KIRREL3: variants seen among roughly 807,000 people sequenced by gnomAD.
The protein encoded by KIRREL3 is kin of IRRE-like protein 3.
A neutral mutation model predicts 89.7 loss-of-function variants in KIRREL3; 36 were observed. The observed-to-expected ratio is 0.40, with a 90% confidence interval of 0.31 to 0.53. KIRREL3 has a LOEUF of 0.53. Ranked by LOEUF, KIRREL3 falls within the 20% of genes least tolerant of loss-of-function variation. The pLI is 0.49. For missense variants in KIRREL3, 864 were observed against 1,056.6 expected, an observed-to-expected ratio of 0.82 and a Z score of 2.53; for synonymous variants, 445 against 441.4, an observed-to-expected ratio of 1.01 and a Z score of -0.10.
intron 1 of KIRREL3, among the ~76,000 whole-genome samples, chr11:126,930,412 C>T (rs1947901779): frequency 6.6e-6 from 1 of 152,184 alleles, no homozygotes; most frequent in African/African-American, 2.4e-5. Context: ...AATTGGGCTG[C>T]TCCAGGCTGT....
chr11:126,425,604 A>G (rs1954910959), intron 16 of KIRREL3, 34 bp downstream of exon 16: 1 of 1,513,862 alleles, frequency 6.6e-7, no homozygotes, highest in African/African-American at 1.4e-5. Flanking sequence ...ACCAGATTCC[A>G]TGGCTGTGTC....
intron 1 of KIRREL3, among the ~76,000 whole-genome samples, chr11:126,921,538 T>A (rs1303113643): frequency 7.2e-6 from 1 of 138,618 alleles, no homozygotes; most frequent in Admixed American, 7.5e-5. Flanking sequence ...TCTGTCTTTC[T>A]TTTTCTTTCT....
chr11:126,789,581 A>T (rs1399431563), intron 1 of KIRREL3, among the ~76,000 whole-genome samples: 1 of 152,154 alleles, frequency 6.6e-6, no homozygotes, highest in Non-Finnish European at 1.5e-5. Context: ...GTTCCAAAAA[A>T]TTGTTTTGCC....
chr11:126,686,140 C>A lies in KIRREL3; in HGVS notation c.56-123228G>T, dbSNP rs1216768958. On this transcript the variant is annotated intron_variant, in intron 1 of 16. Coordinates refer to ENST00000525144, the MANE Select transcript of KIRREL3 (RefSeq NM_032531.4). The surrounding 1 kb of genome is among the most constrained non-coding windows in gnomAD (Gnocchi z 4.7). Reference sequence around the variant, plus strand: ...AGCTCCTTCCCTGTGGTCCGAGTTACTGGCAGGGTCTCTGCGTTCTGCCTT... The same window carrying A: ...AGCTCCTTCCCTGTGGTCCGAGTTAATGGCAGGGTCTCTGCGTTCTGCCTT... Among the ~76,000 whole-genome samples the A allele has an allele frequency of 1.3e-5, 2 of 152,190 alleles. No individual in the cohort carries two copies. Among genetic ancestry groups the A allele is most frequent in the Non-Finnish European group, 2.9e-5 (2 of 68,042 alleles).
intron 1 of KIRREL3, among the ~76,000 whole-genome samples, chr11:126,858,488 C>T (rs560206320): frequency 4.6e-5 from 7 of 152,250 alleles, no homozygotes; most frequent in Admixed American, 1.3e-4. Context: ...GTTCTCACCT[C>T]CTAAGAAGTT....
At position 126,669,425 on chromosome 11, in the gene KIRREL3, A is replaced by G. The variant is rs1945835047; in HGVS notation, c.56-106513T>C. On this transcript the variant is annotated intron_variant, in intron 1 of 16. Coordinates refer to ENST00000525144, the MANE Select transcript of KIRREL3 (RefSeq NM_032531.4). This position sits in a 1 kb window ranked among gnomAD's most constrained non-coding sequence, Gnocchi z 5.0. ...ATTTAATCCCATGTATTTTTAACCC[A>G]CTAACATAATCCCCAATGTTTCCAT... Among the ~76,000 whole-genome samples, 1 of 152,182 alleles carries G rather than the reference A, an allele frequency of 6.6e-6. No individual in the cohort carries two copies. Among genetic ancestry groups the G allele is most frequent in the Non-Finnish European group, 1.5e-5 (1 of 68,030 alleles).
rs544143797 is a variant in KIRREL3 at position 126,822,315 on chromosome 11, A to G, written c.55+178140T>C. On this transcript the variant is annotated intron_variant, in intron 1 of 16. Transcript: ENST00000525144. ...AAAGCACATAGACTGGCCATGTAGT[A>G]TGTTCTCAAACATAACTATGCTTAT... Among the ~76,000 whole-genome samples the G allele has an allele frequency of 3.9e-5, 6 of 152,332 alleles. No individual in the cohort carries two copies. The South Asian group carries it at 6.2e-4, about 16-fold the overall frequency.
rs377540869 is a variant in KIRREL3, at chr11:126,682,170, G to C, written c.56-119258C>G. On this transcript the variant is annotated intron_variant, in intron 1 of 16. Coordinates refer to ENST00000525144, the MANE Select transcript of KIRREL3 (RefSeq NM_032531.4). The surrounding 1 kb of genome is among the most constrained non-coding windows in gnomAD (Gnocchi z 4.8). ...GTGGGCATCACAGAGCTGCTGTGGA[G>C]TGTGTGCACAGATTCTGTGTACTAG... is the stretch of plus-strand genomic sequence containing the variant. The C allele has an allele frequency of 3.3e-6, 1 of 303,742 alleles. No individual in the cohort carries two copies. Among genetic ancestry groups the C allele is most frequent in the African/African-American group, 2.2e-5 (1 of 46,068 alleles). 18.8% of individuals were successfully genotyped at this position (303,742 alleles called of 1,614,324 possible). A position where few individuals can be genotyped will look rare whatever the true frequency, so the allele number is the denominator to read the frequency against.
rs995784174 is a variant in KIRREL3 at position 126,471,396 on chromosome 11, T to C, written c.591+1913A>G. Among the ~76,000 whole-genome samples, 1 of 125,492 alleles carries C rather than the reference T, an allele frequency of 8.0e-6. No homozygotes were observed. The highest frequency in any genetic ancestry group is 1.8e-5 in the Non-Finnish European group (1 of 56,846). The allele number at this position is 125,492 out of a possible 152,430, so 82.3% of individuals were successfully genotyped here. A position where few individuals can be genotyped will look rare whatever the true frequency, so the allele number is the denominator to read the frequency against. ...AAAATAAATAAATAAATAAATAAAA[T>C]AAATAAAAAATAAAAAAAGAAAGAA... On this transcript the variant is annotated intron_variant, in intron 5 of 16. Transcript: ENST00000525144. This position sits in a 1 kb window ranked among gnomAD's most constrained non-coding sequence, Gnocchi z 5.4.
Position 126,623,561 on chromosome 11 carries a change from G to A in KIRREL3, c.56-60649C>T, listed in dbSNP as rs7131189. Among the ~76,000 whole-genome samples the A allele has an allele frequency of 0.024, 3,585 of 152,190 alleles. 40 individuals are homozygous for A. The highest frequency in any genetic ancestry group is 0.088 in the Middle Eastern group (26 of 294). On this transcript the variant is annotated intron_variant, in intron 1 of 16. Coordinates refer to ENST00000525144, the MANE Select transcript of KIRREL3 (RefSeq NM_032531.4). This position sits in a 1 kb window ranked among gnomAD's most constrained non-coding sequence, Gnocchi z 4.1. ...GTGTGAATCTTGCATGATGGAAGAG[G>A]AAACCAGGTAAGAGTGAGCAAGCAG...
At position 126,574,450 on chromosome 11, in the gene KIRREL3, TC is replaced by T. The variant is rs1941145715; in HGVS notation, c.56-11539del. Among the ~76,000 whole-genome samples the T allele has an allele frequency of 1.3e-5, 2 of 152,082 alleles. No homozygotes were observed. The highest frequency in any genetic ancestry group is 4.8e-5 in the African/African-American group (2 of 41,388). ...GAGTATGGAATCAACCTCAAACAGG[TC>T]CAGGGGAGCGATTCTGAGCCACCAG... On this transcript the variant is annotated intron_variant, in intron 1 of 16. Transcript: ENST00000525144. The surrounding 1 kb of genome is among the most constrained non-coding windows in gnomAD (Gnocchi z 5.3).
intron 1 of KIRREL3, among the ~76,000 whole-genome samples, chr11:126,848,430 G>GT (rs1454898645): frequency 6.6e-6 from 1 of 152,104 alleles, no homozygotes; most frequent in African/African-American, 2.4e-5. Flanking sequence ...TCAGTTGTTT[G>GT]TTTTTTTCCT....
At chr11:126,540,491 A>T (rs1938275926) in intron 2 of KIRREL3, among the ~76,000 whole-genome samples, 1 of 152,124 alleles carries the variant, frequency 6.6e-6, no homozygotes, top group South Asian at 2.1e-4. Context: ...GTCTTTAACG[A>T]AGAGCAATCG....
chr11:126,597,810 A>G (rs1942471722), intron 1 of KIRREL3, among the ~76,000 whole-genome samples: 1 of 152,222 alleles, frequency 6.6e-6, no homozygotes, highest in African/African-American at 2.4e-5. Flanking sequence ...AATGTATGCA[A>G]TTGGTCACCA....
At chr11:126,899,022 T>G (rs1417918519) in intron 1 of KIRREL3, among the ~76,000 whole-genome samples, 1 of 151,236 alleles carries the variant, frequency 6.6e-6, no homozygotes, top group Non-Finnish European at 1.5e-5. Context: ...GGGGGGTCTC[T>G]CGCATTCCTG....
chr11:126,844,516 G>A lies in KIRREL3; in HGVS notation c.55+155939C>T, dbSNP rs116903294. 0.01 allele frequency among the ~76,000 whole-genome samples: 1,536 copies of A among 152,218 alleles called. 24 individuals carry two copies. Among genetic ancestry groups the A allele is most frequent in the Admixed American group, 0.037 (565 of 15,284 alleles). ...AGATAAAGGATGGGATTGGGTTAGG[G>A]GCCCAACTTAGGGCAGTTGGAGTCT... On this transcript the variant is annotated intron_variant, in intron 1 of 16. Transcript: ENST00000525144. This position sits in a 1 kb window ranked among gnomAD's most constrained non-coding sequence, Gnocchi z 4.8.
chr11:126,767,569 T>C (rs1299512307), intron 1 of KIRREL3, among the ~76,000 whole-genome samples: 3 of 152,234 alleles, frequency 2.0e-5, no homozygotes, highest in Non-Finnish European at 4.4e-5. Context: ...CGACATACAC[T>C]GTATAGACCA....
rs1948085547 is a variant in KIRREL3 at position 126,719,360 on chromosome 11, T to C, written c.56-156448A>G. Among the ~76,000 whole-genome samples the C allele has an allele frequency of 6.6e-6, 1 of 152,200 alleles. No homozygotes were observed. The highest frequency in any genetic ancestry group is 1.5e-5 in the Non-Finnish European group (1 of 68,038). ...CAGTCTCTTACGGGTCTACTCTTAC[T>C]CACAGCTACTCCTTCTCCATCTCCT... On this transcript the variant is annotated intron_variant, in intron 1 of 16. Transcript: ENST00000525144. The surrounding 1 kb of genome is among the most constrained non-coding windows in gnomAD (Gnocchi z 4.7).
At chr11:126,434,192 C>T (rs1163162901) in intron 13 of KIRREL3, among the ~76,000 whole-genome samples, 1 of 152,236 alleles carries the variant, frequency 6.6e-6, no homozygotes, top group Non-Finnish European at 1.5e-5. Context: ...TGCATGGCTC[C>T]TGGAGAGGGA....
Sources: allele counts gnomAD v4.1 joint callset (sites outside exome capture counted in the v4.1 genomes callset), GRCh38; gene constraint gnomAD v4.1.1; non-coding constraint Gnocchi (gnomAD v3.1); transcripts MANE v1.5; gene names NCBI Gene and HGNC (gene_info 2026-07-23, HGNC 2026-07-21).